PSCA: variants seen among roughly 807,000 people sequenced by gnomAD.
The protein encoded by PSCA is prostate stem cell antigen.
In PSCA, 7 loss-of-function variants were observed where a neutral mutation model predicts 7.9. That is an observed-to-expected ratio of 0.89 (90% CI 0.51 to 1.67). The LOEUF is 1.67. PSCA is among the 40% of genes most tolerant of loss of function. The pLI is 0.00. For synonymous variants in PSCA, 61 were observed against 68.3 expected (o/e 0.89, Z 0.53); for missense variants, 151 against 147.9 (o/e 1.02, Z -0.11).
chr8:142,682,352 G>A lies in PSCA; in HGVS notation c.*220G>A, dbSNP rs782113372. On this transcript the variant is annotated 3_prime_UTR_variant, in exon 3 of 3. Transcript: ENST00000301258. Reference sequence around the variant, plus strand: ...AGATCGGCTCTATTGACACAGATCCGCCTGCAGATGGCCCCTCCAACCCTC... The same window carrying A: ...AGATCGGCTCTATTGACACAGATCCACCTGCAGATGGCCCCTCCAACCCTC... 5.9e-4 allele frequency: 415 copies of A among 705,902 alleles called. 1 individual carries two copies. Among genetic ancestry groups the A allele is most frequent in the Non-Finnish European group, 7.1e-4 (276 of 389,790 alleles). The allele number at this position is 705,902 out of a possible 1,614,324, so 43.7% of individuals were successfully genotyped here.
At chr8:142,675,259 T>C (rs1307864084) in intron 1 of PSCA, among the ~76,000 whole-genome samples, 2 of 151,774 alleles carry the variant, frequency 1.3e-5, no homozygotes, top group Non-Finnish European at 2.9e-5. Context: ...GTTCTGAGGG[T>C]CATTGGAGGC....
chr8:142,672,573 C>T (rs181875447), intron 1 of PSCA, among the ~76,000 whole-genome samples: 9 of 152,186 alleles, frequency 5.9e-5, no homozygotes, highest in Non-Finnish European at 7.3e-5. Context: ...CTCCCTCCCC[C>T]GGAAGGCTGG....
chr8:142,681,763 A>C, intron 2 of PSCA, 158 bp from the exon 3 acceptor site: 2 of 632,870 alleles, frequency 3.2e-6, no homozygotes, highest in Non-Finnish European at 5.5e-6. Flanking sequence ...TAGGGCTGAG[A>C]CCAGGGCCGA....
rs1270011447 is a variant in PSCA at position 142,673,974 on chromosome 8, A to G, written n.261+3406A>G. On this transcript the variant is annotated intron_variant and non_coding_transcript_variant, in intron 1 of 1. Coordinates refer to the PSCA transcript ENST00000505305. This position sits in a 1 kb window ranked among gnomAD's most constrained non-coding sequence, Gnocchi z 4.6. ...TCTTCCTAATGAATAACGGCTGGGA[A>G]TCGTTTCAGTCTAACCTCAGCAGAG... Among the ~76,000 whole-genome samples, 1 of 150,320 alleles carries G rather than the reference A, an allele frequency of 6.7e-6. No individual in the cohort carries two copies. Among genetic ancestry groups the G allele is most frequent in the Non-Finnish European group, 1.5e-5 (1 of 67,700 alleles).
chr8:142,678,707 ACCCAGCCAC>A (rs1847426278), upstream of PSCA, among the ~76,000 whole-genome samples: 6 of 59,666 alleles, frequency 1.0e-4, 1 homozygote, highest in South Asian at 3.2e-3. Flanking sequence ...TGCCACCACC[ACCCAGCCAC>A]TGGCAGCAGA....
rs1257306640 is a variant in PSCA at position 142,672,049 on chromosome 8, C to A, written n.261+1481C>A. ...ACCAAATTCATGTCTCCTGCCAGGG[C>A]CCCTCCCCAGAAATCCAGACTCCTA... On this transcript the variant is annotated intron_variant and non_coding_transcript_variant, in intron 1 of 1. Transcript: ENST00000505305. Among the ~76,000 whole-genome samples, 6 of 152,278 alleles carry A rather than the reference C, an allele frequency of 3.9e-5. No homozygotes were observed. In the East Asian group the frequency reaches 1.2e-3, roughly 29 times the overall value.
chr8:142,680,773 C>T (rs1847453690), intron 1 of PSCA: 1 of 652,164 alleles, frequency 1.5e-6, no homozygotes, highest in Non-Finnish European at 2.6e-6. Context: ...GTGACCGGGG[C>T]TTGCAGGGGC....
At chr8:142,677,376 C>T (rs1483278740), upstream of PSCA, among the ~76,000 whole-genome samples, 1 of 152,216 alleles carries the variant, frequency 6.6e-6, no homozygotes, top group Non-Finnish European at 1.5e-5. Context: ...CAGCAGCACC[C>T]CTGAGCTGGA....
At position 142,682,144 on chromosome 8, in the gene PSCA, C is replaced by T; in HGVS notation, c.*12C>T. On this transcript the variant is annotated 3_prime_UTR_variant, in exon 3 of 3. Coordinates refer to ENST00000301258, the MANE Select transcript of PSCA (RefSeq NM_005672.5). ...CCGGCCAGCTCTAGGCTCTGGGGGG[C>T]CCCGCTGCAGCCCACACTGGGTGTG... 1 of 1,591,122 alleles carries T rather than the reference C, an allele frequency of 6.3e-7. No individual in the cohort carries two copies. Among genetic ancestry groups the T allele is most frequent in the Middle Eastern group, 1.7e-4 (1 of 6,048 alleles).
upstream of PSCA, chr8:142,680,194 G>T (rs1395733435): frequency 2.3e-5 from 8 of 341,150 alleles, no homozygotes; most frequent in Non-Finnish European, 2.2e-5. Context: ...TGGAGAAAGG[G>T]TCTCCCTTGT....
chr8:142,681,705 C>T (rs1323593507), intron 2 of PSCA: 3 of 605,942 alleles, frequency 5.0e-6, no homozygotes, highest in Non-Finnish European at 8.8e-6. Flanking sequence ...ACTCACTCAC[C>T]CCATTTCTGA....
chr8:142,682,605 A>C lies in PSCA; in HGVS notation c.*473A>C, dbSNP rs1210689539. Reference sequence around the variant, plus strand: ...ACAGGAGTCGACGTGAGTTCCTGGGAGTCTCCAGAGATGGGGCCTGGAGGC... The same window carrying C: ...ACAGGAGTCGACGTGAGTTCCTGGGCGTCTCCAGAGATGGGGCCTGGAGGC... On this transcript the variant is annotated 3_prime_UTR_variant, in exon 3 of 3. Coordinates refer to ENST00000301258, the MANE Select transcript of PSCA (RefSeq NM_005672.5). The C allele has an allele frequency of 2.7e-6, 1 of 365,014 alleles. No individual in the cohort carries two copies. Among genetic ancestry groups the C allele is most frequent in the Non-Finnish European group, 5.5e-6 (1 of 182,102 alleles). The allele number at this position is 365,014 out of a possible 1,614,324, so 22.6% of individuals were successfully genotyped here.
In PSCA at chr8:142,682,715, T is replaced by G. The variant is rs1814677736; in HGVS notation, c.*583T>G. The G allele has an allele frequency of 3.4e-6, 1 of 291,122 alleles. No homozygotes were observed. The highest frequency in any genetic ancestry group is 6.9e-6 in the Non-Finnish European group (1 of 144,924). 18.0% of individuals were successfully genotyped at this position (291,122 alleles called of 1,614,324 possible). On this transcript the variant is annotated 3_prime_UTR_variant, in exon 3 of 3. Transcript: ENST00000301258. ...GCGTAGGCCCTTAATAAACACCTGTTGGATAAGCCAGAGAGACCCTCTGTC... is the reference window on the plus strand; with the variant it reads ...GCGTAGGCCCTTAATAAACACCTGTGGGATAAGCCAGAGAGACCCTCTGTC...
intron 1 of PSCA, among the ~76,000 whole-genome samples, chr8:142,674,655 G>A (rs925249063): frequency 6.6e-6 from 1 of 152,208 alleles, no homozygotes; most frequent in Non-Finnish European, 1.5e-5. Context: ...AGTGTCTCCT[G>A]GGGGCTGGCT....
chr8:142,680,403 A>T, upstream of PSCA: 1 of 1,074,450 alleles, frequency 9.3e-7, no homozygotes, highest in Non-Finnish European at 1.4e-6. Context: ...CGGGGCCCTC[A>T]CTGGCTCCAG....
intron 1 of PSCA, 118 bp from the exon 2 acceptor site, chr8:142,681,209 A>G (rs1167490584): frequency 1.5e-6 from 1 of 684,714 alleles, no homozygotes; most frequent in East Asian, 2.7e-5. Context: ...TGAGGGTGAC[A>G]AGAGGGCGCC....
rs1021913789 is a variant in PSCA at position 142,681,983 on chromosome 8, C to T, written c.196C>T (p.Gln66Ter). 2 of 1,608,652 alleles carry T rather than the reference C, an allele frequency of 1.2e-6. No individual in the cohort carries two copies. Among genetic ancestry groups the T allele is most frequent in the Non-Finnish European group, 1.7e-6 (2 of 1,177,516 alleles). Reference sequence around the variant, plus strand: ...CAGCTTGAACTGCGTGGATGACTCACAGGACTACTACGTGGGCAAGAAGAA... The same window carrying T: ...CAGCTTGAACTGCGTGGATGACTCATAGGACTACTACGTGGGCAAGAAGAA... The part of the protein sequence containing the change: ...GCSLNCVDDS[Q>*]DYYVGKKNIT... Residue 66 changes from glutamine (Q) to a stop codon, truncating the protein, a stop_gained, in exon 3 of 3, where the codon CAG (glutamine) becomes TAG (stop). Transcript: ENST00000301258. LOFTEE classifies it low-confidence loss of function (END_TRUNC).
rs1814651937 is a variant in PSCA, at chr8:142,681,967, C to T, written c.180C>T (p.Asn60=). The T allele has an allele frequency of 6.3e-7, 1 of 1,599,818 alleles. No individual in the cohort carries two copies. The highest frequency in any genetic ancestry group is 8.5e-7 in the Non-Finnish European group (1 of 1,172,856). Residue 60 remains asparagine (N), a synonymous_variant, in exon 3 of 3, where the codon AAC becomes AAT. Transcript: ENST00000301258. ...TCATCAGCAAAGGCTGCAGCTTGAACTGCGTGGATGACTCACAGGACTACT... is the reference window on the plus strand; with the variant it reads ...TCATCAGCAAAGGCTGCAGCTTGAATTGCGTGGATGACTCACAGGACTACT... The part of the protein sequence containing the change: ...LTVISKGCSL[N]CVDDSQDYYV...
At chr8:142,672,187 C>A (rs1847340915) in intron 1 of PSCA, among the ~76,000 whole-genome samples, 1 of 152,188 alleles carries the variant, frequency 6.6e-6, no homozygotes, top group Admixed American at 6.5e-5. Flanking sequence ...TCAGGCTCAG[C>A]CTCAACAGTC....
Sources: gnomAD v4.1 joint callset for allele counts (sites outside exome capture counted in the v4.1 genomes callset) on GRCh38, gnomAD v4.1.1 for gene constraint, Gnocchi (gnomAD v3.1) non-coding constraint, MANE v1.5 for transcripts, NCBI Gene and HGNC (gene_info 2026-07-23, HGNC 2026-07-21) for gene names.